The following FSTL5 variants were observed in gnomAD, a reference collection of about 807,000 sequenced individuals.
FSTL5 encodes the protein follistatin-related protein 5.
In FSTL5, 62 loss-of-function variants were observed where a neutral mutation model predicts 89.1. The ratio of observed to expected loss-of-function variants is 0.70; its 90% CI spans 0.57 to 0.86. FSTL5 has a LOEUF of 0.86. FSTL5 is among the 40% of genes least tolerant of loss of function. The pLI is 0.00. For synonymous variants in FSTL5, 383 were observed against 346.2 expected (o/e 1.11, Z -1.18); for missense variants, 1,057 against 1,001.6 (o/e 1.06, Z -0.75).
intron 11 of FSTL5, among the ~76,000 whole-genome samples, chr4:161,504,780 C>A (rs1163546551): frequency 1.3e-5 from 2 of 151,920 alleles, no homozygotes; most frequent in Non-Finnish European, 2.9e-5. Context: ...CTATCTCAAT[C>A]CTTTGGGAAT....
At chr4:161,536,510 G>A (rs1560942909) in intron 10 of FSTL5, among the ~76,000 whole-genome samples, 1 of 152,056 alleles carries the variant, frequency 6.6e-6, no homozygotes, top group Non-Finnish European at 1.5e-5. Context: ...TCAAGTAGAC[G>A]TTATTACATT....
intron 3 of FSTL5, among the ~76,000 whole-genome samples, chr4:161,984,151 T>C (rs572657118): frequency 8.4e-4 from 128 of 152,208 alleles, no homozygotes; most frequent in Non-Finnish European, 1.6e-3. Flanking sequence ...GCTTTAACTT[T>C]CATTTTATAT....
chr4:161,514,377 T>C (rs972811437), intron 10 of FSTL5, among the ~76,000 whole-genome samples: 6 of 151,846 alleles, frequency 4.0e-5, no homozygotes, highest in African/African-American at 7.3e-5. Flanking sequence ...GAAACAGAAA[T>C]TCAAATATTG....
intron 15 of FSTL5, among the ~76,000 whole-genome samples, chr4:161,399,751 C>T (rs11725954): frequency 0.16 from 24,376 of 152,000 alleles, 2,212 homozygotes; most frequent in South Asian, 0.23. Context: ...GAACTGCTCA[C>T]GTGGAGTGGA....
intron 3 of FSTL5, among the ~76,000 whole-genome samples, chr4:162,005,044 G>C (rs17459463): frequency 0.38 from 57,606 of 151,928 alleles, 11,187 homozygotes; most frequent in Middle Eastern, 0.54. Context: ...CAGATGCTGT[G>C]TCTGTCTCTC....
At chr4:161,823,500 C>T (rs1177121900) in intron 4 of FSTL5, among the ~76,000 whole-genome samples, 6 of 152,184 alleles carry the variant, frequency 3.9e-5, no homozygotes, top group Non-Finnish European at 8.8e-5. Context: ...AACTTTGCTC[C>T]ACACCAGAGC....
intron 11 of FSTL5, among the ~76,000 whole-genome samples, chr4:161,504,243 T>G (rs1474953876): frequency 6.6e-6 from 1 of 151,884 alleles, no homozygotes; most frequent in East Asian, 1.9e-4. Context: ...TAAATATTAG[T>G]AGATAGAGAT....
At chr4:162,103,318 C>G (rs182226796) in intron 2 of FSTL5, among the ~76,000 whole-genome samples, 1 of 152,250 alleles carries the variant, frequency 6.6e-6, no homozygotes, top group Admixed American at 6.5e-5. Flanking sequence ...AAGGACAAAA[C>G]TAGGTAAAAG....
chr4:162,117,911 TTTA>T (rs1309755584), intron 1 of FSTL5, among the ~76,000 whole-genome samples: 1 of 152,224 alleles, frequency 6.6e-6, no homozygotes, highest in Non-Finnish European at 1.5e-5. Flanking sequence ...TTAAGTGATT[TTTA>T]TTATTCTTTA....
chr4:161,924,468 AT>A (rs1159465729), intron 3 of FSTL5, among the ~76,000 whole-genome samples: 1 of 151,638 alleles, frequency 6.6e-6, no homozygotes, highest in African/African-American at 2.4e-5. Flanking sequence ...ATATACAATT[AT>A]TTTTATGAGC....
At chr4:161,501,117 C>A (rs1379426235) in intron 11 of FSTL5, among the ~76,000 whole-genome samples, 1 of 152,030 alleles carries the variant, frequency 6.6e-6, no homozygotes, top group African/African-American at 2.4e-5. Context: ...TAAAAGACAG[C>A]AATAATATTA....
chr4:161,583,676 T>C (rs1733510656), intron 8 of FSTL5, among the ~76,000 whole-genome samples: 1 of 152,212 alleles, frequency 6.6e-6, no homozygotes, highest in African/African-American at 2.4e-5. Flanking sequence ...GCAAATTAGA[T>C]TAGGACATTT....
At chr4:161,916,756 A>G (rs1733851976) in intron 4 of FSTL5, among the ~76,000 whole-genome samples, 1 of 152,120 alleles carries the variant, frequency 6.6e-6, no homozygotes, top group Admixed American at 6.5e-5. Flanking sequence ...TTTAAAAGTC[A>G]ATAATAATAA....
In FSTL5 at chr4:162,061,131, T is replaced by C. The variant is rs563423823; in HGVS notation, c.127-27473A>G. Among the ~76,000 whole-genome samples, 5 of 152,254 alleles carry C rather than the reference T, an allele frequency of 3.3e-5. No individual in the cohort carries two copies. The East Asian group carries it at 7.7e-4, about 23-fold the overall frequency. On this transcript the variant is annotated intron_variant, in intron 2 of 15. Coordinates refer to ENST00000306100, the MANE Select transcript of FSTL5 (RefSeq NM_020116.5). ...GTTGGCTGTGTTATTCATTGAATTG[T>C]GTGCCCCCCAAAAGAGATGAGTTAT...
chr4:162,063,324 T>A (rs12504774), intron 2 of FSTL5, among the ~76,000 whole-genome samples: 10,654 of 151,890 alleles, frequency 0.07, 501 homozygotes, highest in East Asian at 0.16. Context: ...TGAAGTTTTA[T>A]AAACTTCTCT....
chr4:161,643,144 T>A (rs1736025186), intron 7 of FSTL5, among the ~76,000 whole-genome samples: 1 of 152,196 alleles, frequency 6.6e-6, no homozygotes, highest in Admixed American at 6.5e-5. Flanking sequence ...GTGTTATATG[T>A]TTTAAATATA....
In FSTL5 at chr4:162,007,623, T is replaced by C. The variant is rs189665414; in HGVS notation, c.160+26002A>G. On this transcript the variant is annotated intron_variant, in intron 3 of 15. Transcript: ENST00000306100. Reference sequence around the variant, plus strand: ...AACACAATATTTCATCATATCCAACTTATTAAAAAAAAAGCATAGTAGAAA... The same window carrying C: ...AACACAATATTTCATCATATCCAACCTATTAAAAAAAAAGCATAGTAGAAA... Among the ~76,000 whole-genome samples, 105 of 149,348 alleles carry C rather than the reference T, an allele frequency of 7.0e-4. 1 individual carries two copies. Among genetic ancestry groups the C allele is most frequent in the African/African-American group, 2.4e-3 (100 of 41,230 alleles).
At chr4:161,398,771 G>T (rs2110898197) in intron 15 of FSTL5, among the ~76,000 whole-genome samples, 1 of 152,154 alleles carries the variant, frequency 6.6e-6, no homozygotes, top group East Asian at 1.9e-4. Context: ...TAATTAGCAT[G>T]AAGGTTATTC....
In FSTL5 at chr4:162,053,108, T is replaced by C. The variant is rs765565403; in HGVS notation, c.127-19450A>G. 4.6e-5 allele frequency among the ~76,000 whole-genome samples: 7 copies of C among 151,876 alleles called. No homozygotes were observed. In the South Asian group the frequency reaches 1.5e-3, roughly 31 times the overall value. Reference sequence around the variant, plus strand: ...TAATTATTATAGACACTTGTCTGTGTCTGGGATGCAAACAGGAGATATAGA... The same window carrying C: ...TAATTATTATAGACACTTGTCTGTGCCTGGGATGCAAACAGGAGATATAGA... On this transcript the variant is annotated intron_variant, in intron 2 of 15. Coordinates refer to ENST00000306100, the MANE Select transcript of FSTL5 (RefSeq NM_020116.5).
Sources: allele counts gnomAD v4.1 joint callset (sites outside exome capture counted in the v4.1 genomes callset), GRCh38; gene constraint gnomAD v4.1.1; transcripts MANE v1.5; gene names NCBI Gene and HGNC (gene_info 2026-07-23, HGNC 2026-07-21).